The following NWD1 variants were observed in gnomAD, a reference collection of about 807,000 sequenced individuals.
NWD1 encodes NACHT and WD repeat domain containing 1.
In NWD1, 129 loss-of-function variants were observed where a neutral mutation model predicts 135.1. The ratio of observed to expected loss-of-function variants is 0.96; its 90% CI spans 0.83 to 1.11. The LOEUF is 1.11. Ranked by LOEUF, NWD1 falls within the 50% of genes least tolerant of loss-of-function variation. The pLI, the probability that NWD1 is intolerant of heterozygous loss-of-function variation, is 0.00. For missense variants in NWD1, 1,740 were observed against 1,851.3 expected, an observed-to-expected ratio of 0.94 and a Z score of 1.10; for synonymous variants, 773 against 786.0, an observed-to-expected ratio of 0.98 and a Z score of 0.28.
intron 8 of NWD1, among the ~76,000 whole-genome samples, 169 bp from the exon 9 acceptor site, chr19:16,763,659 C>T (rs1038760249): frequency 2.6e-5 from 4 of 152,182 alleles, no homozygotes; most frequent in Non-Finnish European, 4.4e-5. Flanking sequence ...TCCCAGATGT[C>T]GTCCTCTGCT....
intron 2 of NWD1, among the ~76,000 whole-genome samples, chr19:16,730,062 G>A (rs1320806947): frequency 1.3e-5 from 2 of 151,702 alleles, no homozygotes; most frequent in African/African-American, 2.4e-5. Context: ...AGTGGCTCAC[G>A]CCTGTGATCC....
rs568858133 is a variant in NWD1 at position 16,750,121 on chromosome 19, G to A, written c.1479G>A (p.Lys493=). ...ACCCGGAGGCCTACTGGGAGGTGAA[G>A]CCCCTTTCCGGAAACCAAGGCCAGC... The part of the protein sequence containing the change: ...LLDPEAYWEV[K]PLSGNQGQQM... Residue 493 remains lysine, a synonymous_variant, in exon 6 of 19, where the codon AAG becomes AAA. Coordinates refer to ENST00000524140, the MANE Select transcript of NWD1 (RefSeq NM_001007525.5). 4.3e-6 allele frequency: 7 copies of A among 1,614,004 alleles called. No homozygotes were observed. The South Asian group carries it at 7.7e-5, about 18-fold the overall frequency.
At chr19:16,812,433 C>T (rs1287305153) in intron 18 of NWD1, among the ~76,000 whole-genome samples, 2 of 151,864 alleles carry the variant, frequency 1.3e-5, no homozygotes, top group Non-Finnish European at 2.9e-5. Context: ...CTTTGCGAGA[C>T]CAAGGCTAGT....
intron 12 of NWD1, among the ~76,000 whole-genome samples, chr19:16,784,676 AT>A (rs1969977112): frequency 6.6e-6 from 1 of 152,108 alleles, no homozygotes; most frequent in Admixed American, 6.6e-5. Flanking sequence ...CACGCCTGTA[AT>A]CCCAGCACTT....
intron 15 of NWD1, among the ~76,000 whole-genome samples, 164 bp downstream of exon 15, chr19:16,794,717 C>T (rs1232448856): frequency 1.3e-5 from 2 of 152,210 alleles, no homozygotes; most frequent in Non-Finnish European, 2.9e-5. Flanking sequence ...GACGAGACAA[C>T]CTCAGTTGCA....
intron 7 of NWD1, among the ~76,000 whole-genome samples, chr19:16,760,667 T>C (rs1968975506): frequency 6.6e-6 from 1 of 152,186 alleles, no homozygotes; most frequent in Admixed American, 6.6e-5. Flanking sequence ...CTTGGCTCAC[T>C]GCAACCTCTG....
chr19:16,721,276 GGAT>G (rs1967126725), intron 1 of NWD1: 1 of 152,104 alleles, frequency 6.6e-6, no homozygotes, highest in Non-Finnish European at 1.5e-5. Flanking sequence ...CCACCACAGA[GGAT>G]GATCTGGCCT....
At chr19:16,731,309 T>A in intron 3 of NWD1, 31 bp downstream of exon 3, 2 of 1,322,610 alleles carry the variant, frequency 1.5e-6, no homozygotes, top group Non-Finnish European at 2.1e-6. Context: ...GCTCCATGCT[T>A]TTTTTATTTT....
chr19:16,722,217 T>G (rs997099291), intron 1 of NWD1, among the ~76,000 whole-genome samples: 4 of 151,578 alleles, frequency 2.6e-5, no homozygotes, highest in Non-Finnish European at 5.9e-5. Context: ...GAGGATCACT[T>G]GAGGACAGGA....
At chr19:16,746,670 TA>T (rs1226703487) in intron 5 of NWD1, among the ~76,000 whole-genome samples, 1 of 119,204 alleles carries the variant, frequency 8.4e-6, no homozygotes, top group Non-Finnish European at 1.7e-5. Flanking sequence ...AGACTCTGTC[TA>T]AAAACAAAAA....
In NWD1 at chr19:16,779,442, T is replaced by C; in HGVS notation, c.2708T>C (p.Ile903Thr). The C allele has an allele frequency of 6.2e-7, 1 of 1,613,052 alleles. No individual in the cohort carries two copies. The highest frequency in any genetic ancestry group is 1.1e-5 in the South Asian group (1 of 91,064). The change falls in exon 12 of 19, where the codon ATC becomes ACC. Residue 903 changes from isoleucine to threonine, a missense_variant. Coordinates refer to ENST00000524140, the MANE Select transcript of NWD1 (RefSeq NM_001007525.5). ...AVWDMEEQHV[I>T]HMLTGHTGEV... ...TGGGACATGGAAGAGCAGCATGTGA[T>C]CCACATGCTAACTGGACACACAGGT... is the stretch of plus-strand genomic sequence containing the variant.
chr19:16,773,867 C>A (rs1379265444), intron 11 of NWD1, among the ~76,000 whole-genome samples: 1 of 151,480 alleles, frequency 6.6e-6, no homozygotes. Context: ...TCTCTATCTA[C>A]CTCCCACCCT....
In NWD1 at chr19:16,807,640, C is replaced by T. The variant is rs1225591584; in HGVS notation, c.3791C>T (p.Ala1264Val). 6.4e-7 allele frequency: 1 copy of T among 1,564,968 alleles called. No individual in the cohort carries two copies. Among genetic ancestry groups the T allele is most frequent in the Non-Finnish European group, 8.6e-7 (1 of 1,159,034 alleles). ...AGTGAGATCAGGTGTCTGGAGGTTG[C>T]TGAGCAGCGCAAGCTCCTATTTACG... Reference protein sequence around the residue: ...TSSEIRCLEVAEQRKLLFTGL... With the variant: ...TSSEIRCLEVVEQRKLLFTGL... The change falls in exon 18 of 19, where the codon GCT becomes GTT. Residue 1264 changes from alanine (A) to valine (V), a missense_variant. Transcript: ENST00000524140.
rs766576547 is a variant in NWD1, at chr19:16,797,769, G to A, written c.3342G>A (p.Ser1114=). The change falls in exon 16 of 19, where the codon TCG becomes TCA. Residue 1114 remains serine (S), a synonymous_variant. Coordinates refer to ENST00000524140, the MANE Select transcript of NWD1 (RefSeq NM_001007525.5). Reference sequence around the variant, plus strand: ...CGGTGCGGATATTCTTGGCGGACTCGAGGGGCTTTCGCCGATTCATGGCCA... The same window carrying A: ...CGGTGCGGATATTCTTGGCGGACTCAAGGGGCTTTCGCCGATTCATGGCCA... ...GRSVRIFLAD[S]RGFRRFMAMD... is the part of the protein sequence containing the mutation. 15 of 1,614,000 alleles carry A rather than the reference G, an allele frequency of 9.3e-6. No individual in the cohort carries two copies. Among genetic ancestry groups the A allele is most frequent in the Admixed American group, 6.7e-5 (4 of 59,970 alleles).
chr19:16,817,597 C>A lies in NWD1; in HGVS notation c.*2558C>A, dbSNP rs1344372810. The A allele has an allele frequency of 1.5e-5, 2 of 131,184 alleles. No homozygotes were observed. The highest frequency in any genetic ancestry group is 3.2e-5 in the Non-Finnish European group (2 of 63,224). 8.1% of individuals were successfully genotyped at this position (131,184 alleles called of 1,614,324 possible). ...AGCATGAGTGACAGAGACTCTGTCT[C>A]CAAAAAAAAAAAAAAAAAAAAGTAA... On this transcript the variant is annotated 3_prime_UTR_variant, in exon 19 of 19. Transcript: ENST00000524140.
At chr19:16,759,740 G>A (rs1968936274) in intron 7 of NWD1, among the ~76,000 whole-genome samples, 3 of 152,080 alleles carry the variant, frequency 2.0e-5, no homozygotes, top group Non-Finnish European at 2.9e-5. Context: ...TTAGCTAGGT[G>A]TGTTAGCACT....
At chr19:16,766,363 CT>C (rs568871989) in intron 10 of NWD1, among the ~76,000 whole-genome samples, 200 of 152,262 alleles carry the variant, frequency 1.3e-3, no homozygotes, top group African/African-American at 4.5e-3. Context: ...GATTGCTCCG[CT>C]GCATTCCAGC....
At position 16,732,172 on chromosome 19, in the gene NWD1, A is replaced by G. The variant is rs1025156506; in HGVS notation, c.81+894A>G. 3.3e-5 allele frequency among the ~76,000 whole-genome samples: 5 copies of G among 150,900 alleles called. No homozygotes were observed. In the East Asian group the frequency reaches 9.8e-4, roughly 30 times the overall value. ...GCAGAGATTGCAGTGAGCTGAGATCAAGCCACTGTACTCCAGCCTGGGTGA... is the reference window on the plus strand; with the variant it reads ...GCAGAGATTGCAGTGAGCTGAGATCGAGCCACTGTACTCCAGCCTGGGTGA... On this transcript the variant is annotated intron_variant, in intron 3 of 18. Coordinates refer to ENST00000524140, the MANE Select transcript of NWD1 (RefSeq NM_001007525.5).
chr19:16,778,476 T>TTTC lies in NWD1; in HGVS notation c.2609-849_2609-847dup, dbSNP rs199535319. On this transcript the variant is annotated intron_variant, in intron 11 of 18. Coordinates refer to ENST00000524140, the MANE Select transcript of NWD1 (RefSeq NM_001007525.5). ...TAATTTCTTTCTTTCTTTTCTTTTCTTTCTTCTTCTTCTTCTTCTTTTTTT... is the reference window on the plus strand; with the variant it reads ...TAATTTCTTTCTTTCTTTTCTTTTCTTTCTTCTTCTTCTTCTTCTTCTTTTTTT... Among the ~76,000 whole-genome samples, 130 of 140,468 alleles carry TTTC rather than the reference T, an allele frequency of 9.3e-4. 1 individual carries two copies. Among genetic ancestry groups the TTTC allele is most frequent in the African/African-American group, 2.6e-3 (93 of 35,924 alleles). The allele number at this position is 140,468 out of a possible 152,430, so 92.2% of individuals were successfully genotyped here. A position where few individuals can be genotyped will look rare whatever the true frequency, so the allele number is the denominator to read the frequency against.
Sources: gnomAD v4.1 joint callset for allele counts (sites outside exome capture counted in the v4.1 genomes callset) on GRCh38, gnomAD v4.1.1 for gene constraint, MANE v1.5 for transcripts, NCBI Gene and HGNC (gene_info 2026-07-23, HGNC 2026-07-21) for gene names.